LRRC41: variants seen among roughly 807,000 people sequenced by gnomAD.
The protein encoded by LRRC41 is leucine-rich repeat-containing protein 41.
LRRC41 carries 17 observed loss-of-function variants against 72.1 expected under a neutral mutation model. The observed-to-expected ratio is 0.24, with a 90% CI of 0.16 to 0.35. The LOEUF (loss-of-function observed/expected upper bound fraction) is 0.35. LRRC41 is among the 10% of genes least tolerant of loss of function. The probability of loss-of-function intolerance (pLI) is 1.00; values close to 1 mark genes in which losing one functional copy is unlikely to be tolerated. For missense variants in LRRC41, 759 were observed against 1,065.0 expected (o/e 0.71, Z 4.00); for synonymous variants, 427 against 431.0 (o/e 0.99, Z 0.11).
In LRRC41 at chr1:46,278,088, T is replaced by C. The variant is rs1424292043; in HGVS notation, c.*777A>G. ...TGTCCCTAGGTTGCACTGCCGACGT[T>C]GTGTCAACAGCCGTCAGATCCGGCC... is the stretch of plus-strand genomic sequence containing the variant. On this transcript the variant is annotated 3_prime_UTR_variant, in exon 10 of 10. Transcript: ENST00000617190. 1.9e-6 allele frequency: 3 copies of C among 1,614,002 alleles called. No homozygotes were observed. The highest frequency in any genetic ancestry group is 2.5e-6 in the Non-Finnish European group (3 of 1,180,002).
Position 46,278,868 on chromosome 1 carries a change from C to T in LRRC41, c.2436G>A (p.Met812Ile). Residue 812 changes from methionine to isoleucine, a missense_variant, in exon 10 of 10, where the codon ATG (methionine) becomes ATA (isoleucine). Physicochemically the swap from Met to Ile is conservative, Grantham distance 10 (BLOSUM62 1). This residue lies in a region of LRRC41 where 110 missense variants were observed against 227.0 expected (regional missense o/e 0.48). Transcript: ENST00000617190. ...SQAFADYVST[M>I] ...AGACTGTGAGGTACGGGCCCCATCACATGGTGCTAACATAATCTGCGAAGG... is the reference window on the plus strand; with the variant it reads ...AGACTGTGAGGTACGGGCCCCATCATATGGTGCTAACATAATCTGCGAAGG... 1 of 1,607,844 alleles carries T rather than the reference C, an allele frequency of 6.2e-7. No individual in the cohort carries two copies. The highest frequency in any genetic ancestry group is 8.5e-7 in the Non-Finnish European group (1 of 1,177,838).
Position 46,281,629 on chromosome 1 carries a change from T to C in LRRC41, c.1496-244A>G, listed in dbSNP as rs12142240. On this transcript the variant is annotated intron_variant, in intron 4 of 9. Coordinates refer to ENST00000617190, the MANE Select transcript of LRRC41 (RefSeq NM_006369.5). ...CACCAGTCAGGGCAGAGTCACAAAA[T>C]TGAGAAGATACAATATGGTGAGGCA... Among the ~76,000 whole-genome samples the C allele has an allele frequency of 0.23, 34,858 of 152,048 alleles. 4,547 individuals carry two copies. The highest frequency in any genetic ancestry group is 0.3 in the Non-Finnish European group (20,367 of 67,956).
At chr1:46,298,221 G>A (rs72883422) in intron 2 of LRRC41, 63 bp downstream of exon 2, 199 of 1,195,216 alleles carry the variant, frequency 1.7e-4, no homozygotes, top group African/African-American at 1.4e-3. Flanking sequence ...AATATTTACC[G>A]GAAGAACATT....
At position 46,290,934 on chromosome 1, in the gene LRRC41, T is replaced by TG. The variant is rs1259534165; in HGVS notation, c.358-4436_358-4435insC. On this transcript the variant is annotated intron_variant, in intron 3 of 9. Transcript: ENST00000617190. ...GTTTCTAGTTTTTTTTTTTTTTTTT[T>TG]TTTTTTTTTTAAGACATTCCTGCTC... Among the ~76,000 whole-genome samples, 69 of 147,466 alleles carry TG rather than the reference T, an allele frequency of 4.7e-4. 1 individual carries two copies. Among genetic ancestry groups the TG allele is most frequent in the Middle Eastern group, 6.9e-3 (2 of 288 alleles).
chr1:46,297,478 A>T (rs1340649621), intron 3 of LRRC41, 85 bp downstream of exon 3: 2 of 1,085,200 alleles, frequency 1.8e-6, no homozygotes, highest in Admixed American at 3.5e-5. Context: ...TCTGCACTTT[A>T]TCAGTACCCA....
At position 46,285,150 on chromosome 1, in the gene LRRC41, G is replaced by A; in HGVS notation, c.1495+212C>T. On this transcript the variant is annotated intron_variant, in intron 4 of 9. Coordinates refer to ENST00000617190, the MANE Select transcript of LRRC41 (RefSeq NM_006369.5). This position sits in a 1 kb window ranked among gnomAD's most constrained non-coding sequence, Gnocchi z 5.3. ...GCTGGCTTGTCTCACTGCCCCTCAG[G>A]AACCCCTGCTTTCAACAACTAATCA... is the stretch of plus-strand genomic sequence containing the variant. 1.7e-6 allele frequency: 1 copy of A among 589,226 alleles called. No individual in the cohort carries two copies. Among genetic ancestry groups the A allele is most frequent in the Non-Finnish European group, 3.1e-6 (1 of 327,600 alleles). The allele number at this position is 589,226 out of a possible 1,614,324, so 36.5% of individuals were successfully genotyped here. A position where few individuals can be genotyped will look rare whatever the true frequency, so the allele number is the denominator to read the frequency against.
At position 46,285,802 on chromosome 1, in the gene LRRC41, G is replaced by C; in HGVS notation, c.1055C>G (p.Pro352Arg). The C allele has an allele frequency of 4.4e-6, 7 of 1,594,196 alleles. No individual in the cohort carries two copies. The highest frequency in any genetic ancestry group is 6.0e-6 in the Non-Finnish European group (7 of 1,171,424). The change falls in exon 4 of 10, where the codon CCT becomes CGT. Residue 352 changes from proline to arginine, a missense_variant. Pro to Arg is a moderately radical substitution (Grantham distance 103). Transcript: ENST00000617190. This position sits in a 1 kb window ranked among gnomAD's most constrained non-coding sequence, Gnocchi z 5.3. The stretch of plus-strand genomic sequence containing the variant: ...AGCAGAAGGTGACCGCTTGGTGCCA[G>C]GAGCCTCATGGGAGGTGGCTGGGGG... ...LHPPATSHEA[P>R]GTKRSPSAPA...
chr1:46,303,262 T>C lies in LRRC41; in HGVS notation c.61A>G (p.Thr21Ala), dbSNP rs1661285880. Residue 21 changes from threonine (T) to alanine (A), a missense_variant, in exon 1 of 10, where the codon ACG (threonine) becomes GCG (alanine). Physicochemically the swap from Thr to Ala is moderately conservative, Grantham distance 58. Coordinates refer to ENST00000617190, the MANE Select transcript of LRRC41 (RefSeq NM_006369.5). ...TCCCGGGACGTGGCCTCCATGGTCG[T>C]TGCCGCCGCTACCTCACAGAACCAG... Reference protein sequence around the residue: ...SCWFCEVAAATTMEATSREAA... With the variant: ...SCWFCEVAAAATMEATSREAA... 6.5e-7 allele frequency: 1 copy of C among 1,546,180 alleles called. No individual in the cohort carries two copies. Among genetic ancestry groups the C allele is most frequent in the Non-Finnish European group, 8.7e-7 (1 of 1,146,810 alleles).
At chr1:46,288,369 CTTCA>C (rs1415340588) in intron 3 of LRRC41, among the ~76,000 whole-genome samples, 3 of 152,210 alleles carry the variant, frequency 2.0e-5, no homozygotes, top group Non-Finnish European at 2.9e-5. Context: ...AGATAACCTG[CTTCA>C]CAGGATTGTT....
intron 1 of LRRC41, among the ~76,000 whole-genome samples, chr1:46,301,763 C>G (rs1484662817): frequency 1.3e-5 from 2 of 152,096 alleles, no homozygotes; most frequent in Non-Finnish European, 2.9e-5. Flanking sequence ...ACGCCACGGC[C>G]ACCCGCAAGG....
rs1661128858 is a variant in LRRC41 at position 46,296,441 on chromosome 1, C to A, written c.357+1122G>T. Among the ~76,000 whole-genome samples, 6 of 151,952 alleles carry A rather than the reference C, an allele frequency of 3.9e-5. No individual in the cohort carries two copies. In the South Asian group the frequency reaches 1.2e-3, roughly 32 times the overall value. The stretch of plus-strand genomic sequence containing the variant: ...TCAAACAAAACAAAACAAAACAAAA[C>A]AAAACAAAACTGTTAGGTCTTTAAG... On this transcript the variant is annotated intron_variant, in intron 3 of 9. Transcript: ENST00000617190.
In LRRC41 at chr1:46,298,097, T is replaced by C. The variant is rs1441322348; in HGVS notation, c.286+187A>G. 3.1e-4 allele frequency among the ~76,000 whole-genome samples: 47 copies of C among 152,196 alleles called. 1 individual carries two copies. Among genetic ancestry groups the C allele is most frequent in the Non-Finnish European group, 1.0e-4 (7 of 68,038 alleles). The stretch of plus-strand genomic sequence containing the variant: ...TGCCTGTGTCTCACTTTTATCAGTA[T>C]AATAAAGATCATATACTTGGCTTTG... On this transcript the variant is annotated intron_variant, in intron 2 of 9. Coordinates refer to ENST00000617190, the MANE Select transcript of LRRC41 (RefSeq NM_006369.5).
At chr1:46,296,721 C>T (rs1661134267) in intron 3 of LRRC41, 1 of 152,160 alleles carries the variant, frequency 6.6e-6, no homozygotes, top group African/African-American at 2.4e-5. Context: ...ACCCTAGTGT[C>T]AAGGAGTTAC....
At chr1:46,291,218 C>T (rs959162091) in intron 3 of LRRC41, among the ~76,000 whole-genome samples, 12 of 152,204 alleles carry the variant, frequency 7.9e-5, no homozygotes, top group South Asian at 4.1e-4. Flanking sequence ...GCCACAGTGC[C>T]TGACCCTGTT....
chr1:46,280,478 C>G lies in LRRC41; in HGVS notation c.1839G>C (p.Ser613=), dbSNP rs141700475. ...APLLCSVLKA[S]GSLQQLSLDS... ...CCAGGGACAGCTGCTGCAGAGAACC[C>G]GAGGCCTTCAGAACGGAGCACAGCA... Residue 613 remains serine (S), a synonymous_variant, in exon 6 of 10, where the codon TCG becomes TCC. Coordinates refer to ENST00000617190, the MANE Select transcript of LRRC41 (RefSeq NM_006369.5). 3 of 1,614,144 alleles carry G rather than the reference C, an allele frequency of 1.9e-6. No individual in the cohort carries two copies. Among genetic ancestry groups the G allele is most frequent in the South Asian group, 1.1e-5 (1 of 91,076 alleles).
In LRRC41 at chr1:46,303,122, A is replaced by AC; in HGVS notation, c.199+1dup. On this transcript the variant is annotated splice_donor_variant, in intron 1 of 9. Coordinates refer to ENST00000617190, the MANE Select transcript of LRRC41 (RefSeq NM_006369.5). LOFTEE classifies it high-confidence loss of function. ...GAGGTAGCCCCTCACCCCGCGACTT[A>AC]CCCCACACCCCGCTCTCCAGAACCC... 1 of 1,413,796 alleles carries AC rather than the reference A, an allele frequency of 7.1e-7. No individual in the cohort carries two copies. Among genetic ancestry groups the AC allele is most frequent in the Non-Finnish European group, 9.2e-7 (1 of 1,083,734 alleles). 87.6% of individuals were successfully genotyped at this position (1,413,796 alleles called of 1,614,324 possible).
intron 3 of LRRC41, among the ~76,000 whole-genome samples, chr1:46,293,385 G>A (rs890644617): frequency 2.6e-5 from 4 of 151,676 alleles, no homozygotes; most frequent in South Asian, 4.2e-4. Context: ...GACTAGAGGC[G>A]CACACCAGCA....
chr1:46,294,358 T>C (rs1661079183), intron 3 of LRRC41, among the ~76,000 whole-genome samples: 1 of 151,374 alleles, frequency 6.6e-6, no homozygotes, highest in Non-Finnish European at 1.5e-5. Context: ...TCCACCCACC[T>C]TGGCCTCCCA....
rs2148308103 is a variant in LRRC41, at chr1:46,277,949, G to A, written c.*916C>T. Reference sequence around the variant, plus strand: ...CGAGTTGAAGGAGCTGTTTATCCTGGATGAAGCTAGCCTCAGTGACACACA... The same window carrying A: ...CGAGTTGAAGGAGCTGTTTATCCTGAATGAAGCTAGCCTCAGTGACACACA... On this transcript the variant is annotated 3_prime_UTR_variant, in exon 10 of 10. Coordinates refer to ENST00000617190, the MANE Select transcript of LRRC41 (RefSeq NM_006369.5). 1.2e-6 allele frequency: 2 copies of A among 1,614,124 alleles called. No individual in the cohort carries two copies. Among genetic ancestry groups the A allele is most frequent in the Non-Finnish European group, 1.7e-6 (2 of 1,180,032 alleles).
Sources: gnomAD v4.1 joint callset for allele counts (sites outside exome capture counted in the v4.1 genomes callset) on GRCh38, gnomAD v4.1.1 for gene constraint, gnomAD v4.1.1 regional missense constraint, Gnocchi (gnomAD v3.1) non-coding constraint, MANE v1.5 for transcripts, NCBI Gene and HGNC (gene_info 2026-07-23, HGNC 2026-07-21) for gene names.